Variants in CHRNB3 observed in about 807,000 individuals in gnomAD.
CHRNB3 encodes neuronal acetylcholine receptor subunit beta-3.
A neutral mutation model predicts 40.6 loss-of-function variants in CHRNB3; 37 were observed. The observed-to-expected ratio is 0.91, with a 90% CI of 0.70 to 1.20. CHRNB3 has a LOEUF of 1.20. Ranked by LOEUF, CHRNB3 falls within the 50% of genes most tolerant of loss-of-function variation. The probability of loss-of-function intolerance (pLI) is 0.00; values close to 1 mark genes in which losing one functional copy is unlikely to be tolerated. For synonymous variants in CHRNB3, 207 were observed against 207.1 expected, an observed-to-expected ratio of 1.00 and a Z score of 0.00; for missense variants, 505 against 551.2, an observed-to-expected ratio of 0.92 and a Z score of 0.84.
chr8:42,728,944 G>A (rs1816353732), intron 3 of CHRNB3, among the ~76,000 whole-genome samples: 3 of 152,072 alleles, frequency 2.0e-5, no homozygotes, highest in Admixed American at 2.0e-4. Flanking sequence ...GATAGTAAGA[G>A]TCTCCTTAGC....
intron 3 of CHRNB3, among the ~76,000 whole-genome samples, chr8:42,711,593 C>T (rs769950447): frequency 4.6e-5 from 7 of 152,058 alleles, no homozygotes; most frequent in Non-Finnish European, 1.0e-4. Context: ...CAGGGTTTCA[C>T]CATGTTGGCC....
chr8:42,703,414 ACTT>A (rs1367536978), intron 1 of CHRNB3, among the ~76,000 whole-genome samples: 4 of 121,348 alleles, frequency 3.3e-5, no homozygotes, highest in Non-Finnish European at 7.1e-5. Flanking sequence ...ACAGAGCAAG[ACTT>A]CGTCTAAAAA....
chr8:42,717,301 G>T (rs1468327836), intron 3 of CHRNB3, among the ~76,000 whole-genome samples: 2 of 132,294 alleles, frequency 1.5e-5, no homozygotes, highest in African/African-American at 5.7e-5. Context: ...GTGAACCCGG[G>T]AGGCGGAGCT....
intron 5 of CHRNB3, among the ~76,000 whole-genome samples, chr8:42,733,128 G>A (rs548283582): frequency 1.5e-4 from 23 of 151,860 alleles, no homozygotes; most frequent in Admixed American, 9.8e-4. Flanking sequence ...GCAGGAGATC[G>A]AGACCAGCCT....
intron 5 of CHRNB3, among the ~76,000 whole-genome samples, chr8:42,735,525 T>C (rs1816508177): frequency 6.6e-6 from 1 of 152,178 alleles, no homozygotes; most frequent in South Asian, 2.1e-4. Flanking sequence ...AGAGTGAGAC[T>C]ATGTCTCAAA....
chr8:42,731,575 A>AGAAAT, intron 4 of CHRNB3, 92 bp from the exon 5 acceptor site: 1 of 1,344,772 alleles, frequency 7.4e-7, no homozygotes. Context: ...AGAAAAGAAA[A>AGAAAT]GTCATAAAAC....
chr8:42,714,974 CG>C (rs1563610109), intron 3 of CHRNB3: 1 of 152,046 alleles, frequency 6.6e-6, no homozygotes, highest in East Asian at 1.9e-4. Flanking sequence ...CCTCAGTCTC[CG>C]GAACATCTGA....
chr8:42,716,802 C>T (rs1419292893), intron 3 of CHRNB3, among the ~76,000 whole-genome samples: 3 of 152,064 alleles, frequency 2.0e-5, no homozygotes, highest in African/African-American at 4.8e-5. Flanking sequence ...TCAGTTTCAC[C>T]TTCTGCCTCA....
chr8:42,719,495 A>G, intron 3 of CHRNB3, among the ~76,000 whole-genome samples: 1 of 152,142 alleles, frequency 6.6e-6, no homozygotes, highest in South Asian at 2.1e-4. Context: ...AAAATAAGAA[A>G]AATTAGCCAG....
At chr8:42,719,795 G>A (rs1428240686) in intron 3 of CHRNB3, among the ~76,000 whole-genome samples, 1 of 152,154 alleles carries the variant, frequency 6.6e-6, no homozygotes, top group Non-Finnish European at 1.5e-5. Context: ...GGAGATCAGT[G>A]ACTCGTCCAA....
chr8:42,699,164 C>CT (rs1331930050), intron 1 of CHRNB3, among the ~76,000 whole-genome samples: 1 of 152,138 alleles, frequency 6.6e-6, no homozygotes, highest in Admixed American at 6.6e-5. Flanking sequence ...TGCAAAACTA[C>CT]TTTTTTCAAA....
rs541181496 is a variant in CHRNB3, at chr8:42,731,017, C to T, written c.359+314C>T. Among the ~76,000 whole-genome samples, 153 of 147,348 alleles carry T rather than the reference C, an allele frequency of 1.0e-3. 8 individuals carry two copies. The highest frequency in any genetic ancestry group is 3.7e-3 in the African/African-American group (146 of 39,574). On this transcript the variant is annotated intron_variant, in intron 4 of 5. Transcript: ENST00000289957. ...GAGCCGAGATTGCGCCACTGCAGTC[C>T]GCAGTCCGGCCTGGGCGACAGAGCG... is the stretch of plus-strand genomic sequence containing the variant.
In CHRNB3 at chr8:42,736,830, A is replaced by T; in HGVS notation, c.*212A>T. The T allele has an allele frequency of 1.6e-6, 1 of 609,684 alleles. No homozygotes were observed. Among genetic ancestry groups the T allele is most frequent in the South Asian group, 2.1e-5 (1 of 48,210 alleles). The allele number at this position is 609,684 out of a possible 1,614,324, so 37.8% of individuals were successfully genotyped here. A position where few individuals can be genotyped will look rare whatever the true frequency, so the allele number is the denominator to read the frequency against. ...CTTTTAAAGAAAGTGGAGCCTCCTCAGACCCCTGCCTTGGCTTTCCCAGAC... is the reference window on the plus strand; with the variant it reads ...CTTTTAAAGAAAGTGGAGCCTCCTCTGACCCCTGCCTTGGCTTTCCCAGAC... On this transcript the variant is annotated 3_prime_UTR_variant, in exon 6 of 6. Transcript: ENST00000289957.
At chr8:42,721,450 G>T (rs146878394) in intron 3 of CHRNB3, among the ~76,000 whole-genome samples, 27 of 152,178 alleles carry the variant, frequency 1.8e-4, no homozygotes, top group African/African-American at 5.5e-4. Flanking sequence ...TAAGCCAGGC[G>T]CAGTGGCTCA....
chr8:42,698,752 G>A (rs1030940498), intron 1 of CHRNB3, among the ~76,000 whole-genome samples: 2 of 152,190 alleles, frequency 1.3e-5, no homozygotes, highest in African/African-American at 4.8e-5. Context: ...ATTAATGTAC[G>A]TGTGTCTGAT....
intron 3 of CHRNB3, chr8:42,726,022 G>T: frequency 2.0e-6 from 2 of 1,021,214 alleles, no homozygotes; most frequent in South Asian, 1.3e-5. Flanking sequence ...CTAGTCGTCT[G>T]AGACGTACCT....
intron 1 of CHRNB3, among the ~76,000 whole-genome samples, chr8:42,698,731 T>C (rs1815722870): frequency 1.3e-5 from 2 of 152,228 alleles, no homozygotes; most frequent in African/African-American, 4.8e-5. Flanking sequence ...TTCTGTGTGT[T>C]TGAGCTTACC....
intron 3 of CHRNB3, among the ~76,000 whole-genome samples, chr8:42,729,327 G>A (rs556901971): frequency 7.4e-4 from 113 of 152,048 alleles, no homozygotes; most frequent in South Asian, 1.5e-3. Context: ...GGAGAATGGC[G>A]TGAACCTGGG....
At chr8:42,706,442 A>G (rs1586393464) in intron 1 of CHRNB3, among the ~76,000 whole-genome samples, 3 of 152,142 alleles carry the variant, frequency 2.0e-5, no homozygotes, top group African/African-American at 7.2e-5. Flanking sequence ...GTCAAGAGTG[A>G]AAACAATTAG....
Sources: allele counts gnomAD v4.1 joint callset (sites outside exome capture counted in the v4.1 genomes callset), GRCh38; gene constraint gnomAD v4.1.1; transcripts MANE v1.5; gene names NCBI Gene and HGNC (gene_info 2026-07-23, HGNC 2026-07-21).